RAB11FIP4: variants seen among roughly 807,000 people sequenced by gnomAD.
RAB11FIP4 encodes the protein rab11 family-interacting protein 4.
In RAB11FIP4, 23 loss-of-function variants were observed where a neutral mutation model predicts 74.3. That is an observed-to-expected ratio of 0.31 (90% confidence interval 0.22 to 0.44). The LOEUF is 0.44. RAB11FIP4 is among the 20% of genes least tolerant of loss of function. The probability of loss-of-function intolerance (pLI) is 1.00; values close to 1 mark genes in which losing one functional copy is unlikely to be tolerated. For missense variants in RAB11FIP4, 630 were observed against 863.9 expected (o/e 0.73, Z 3.39); for synonymous variants, 360 against 359.9 (o/e 1.00, Z 0.00).
intron 3 of RAB11FIP4, among the ~76,000 whole-genome samples, chr17:31,447,055 C>A (rs896510996): frequency 6.6e-6 from 1 of 152,088 alleles, no homozygotes; most frequent in Non-Finnish European, 1.5e-5. Context: ...GAGGCCAAGG[C>A]GGGCGGATCA....
intron 3 of RAB11FIP4, among the ~76,000 whole-genome samples, chr17:31,494,045 C>T (rs1345857092): frequency 6.6e-6 from 1 of 152,106 alleles, no homozygotes; most frequent in African/African-American, 2.4e-5. Flanking sequence ...ATAGCACCTG[C>T]CTCGCAGGGT....
At chr17:31,494,484 C>T (rs75597204) in intron 3 of RAB11FIP4, among the ~76,000 whole-genome samples, 2 of 152,114 alleles carry the variant, frequency 1.3e-5, no homozygotes, top group South Asian at 2.1e-4. Context: ...TAATAACCTT[C>T]GCACCTAACA....
chr17:31,511,404 A>G (rs780881917), intron 3 of RAB11FIP4, among the ~76,000 whole-genome samples: 2 of 152,246 alleles, frequency 1.3e-5, no homozygotes, highest in Non-Finnish European at 2.9e-5. Context: ...AGCATCAGAC[A>G]GTCAGGCAGT....
chr17:31,410,472 G>A (rs1285358989), intron 1 of RAB11FIP4, among the ~76,000 whole-genome samples: 2 of 152,162 alleles, frequency 1.3e-5, no homozygotes, highest in African/African-American at 4.8e-5. Context: ...CCAGCACTTT[G>A]GGAGGCTGAG....
At chr17:31,498,772 A>G (rs560331986) in intron 3 of RAB11FIP4, among the ~76,000 whole-genome samples, 1 of 152,254 alleles carries the variant, frequency 6.6e-6, no homozygotes, top group South Asian at 2.1e-4. Flanking sequence ...TCCCCTGAAA[A>G]TGTAGCCTGA....
In RAB11FIP4 at chr17:31,431,425, G is replaced by A. The variant is rs185017796; in HGVS notation, c.160-388G>A. On this transcript the variant is annotated intron_variant, in intron 1 of 14. Coordinates refer to ENST00000621161, the MANE Select transcript of RAB11FIP4 (RefSeq NM_032932.6). ...TAGCCAGCACCTGGAACAAGAAATA[G>A]AACAAGAGAAATGGTGGGATTTCTG... The A allele has an allele frequency of 3.5e-3, 676 of 195,880 alleles. 2 individuals carry two copies. The highest frequency in any genetic ancestry group is 0.015 in the African/African-American group (639 of 42,070). 12.1% of individuals were successfully genotyped at this position (195,880 alleles called of 1,614,324 possible).
intron 3 of RAB11FIP4, among the ~76,000 whole-genome samples, chr17:31,487,691 T>C (rs2071921717): frequency 1.3e-5 from 2 of 151,758 alleles, no homozygotes; most frequent in Admixed American, 6.5e-5. Flanking sequence ...AATCTCACAG[T>C]GCGGTGACAA....
In RAB11FIP4 at chr17:31,522,171, G is replaced by A. The variant is rs534297506; in HGVS notation, c.893+122G>A. 79 of 1,396,946 alleles carry A rather than the reference G, an allele frequency of 5.7e-5. 2 individuals are homozygous for A. In the African/African-American group the frequency reaches 8.1e-4, roughly 14 times the overall value. The allele number at this position is 1,396,946 out of a possible 1,614,324, so 86.5% of individuals were successfully genotyped here. On this transcript the variant is annotated intron_variant, in intron 6 of 14. Transcript: ENST00000621161. Reference sequence around the variant, plus strand: ...TGGGCAGGTGAGAGCTCTCAGAGGAGGGTTGATCCAGGGGCTTTTTCTGCC... The same window carrying A: ...TGGGCAGGTGAGAGCTCTCAGAGGAAGGTTGATCCAGGGGCTTTTTCTGCC...
At chr17:31,458,663 C>T (rs1020462590) in intron 3 of RAB11FIP4, among the ~76,000 whole-genome samples, 2 of 152,170 alleles carry the variant, frequency 1.3e-5, no homozygotes, top group Admixed American at 1.3e-4. Context: ...TCAAAATGCT[C>T]ATGTGCACCT....
intron 3 of RAB11FIP4, among the ~76,000 whole-genome samples, chr17:31,503,242 A>T (rs2072255191): frequency 6.7e-6 from 1 of 149,690 alleles, no homozygotes; most frequent in Admixed American, 6.6e-5. Flanking sequence ...CATGTTGGCC[A>T]GGCTAGTCTC....
At chr17:31,525,657 G>A (rs1222867417) in intron 10 of RAB11FIP4, 6 of 184,930 alleles carry the variant, frequency 3.2e-5, no homozygotes, top group Admixed American at 2.1e-4. Context: ...TGACGCAGGC[G>A]GGACAAGGAG....
rs1000689157 is a variant in RAB11FIP4 at position 31,533,136 on chromosome 17, G to C, written c.*1404G>C. 2.0e-5 allele frequency: 3 copies of C among 152,238 alleles called. No homozygotes were observed. The highest frequency in any genetic ancestry group is 4.8e-5 in the African/African-American group (2 of 41,426). The allele number at this position is 152,238 out of a possible 1,614,324, so 9.4% of individuals were successfully genotyped here. A position where few individuals can be genotyped will look rare whatever the true frequency, so the allele number is the denominator to read the frequency against. ...GGGCATGTTGGGAAGGGCGGTGGAG[G>C]GGGAGTTGCAGAAAGAGAGGGCAGT... is the stretch of plus-strand genomic sequence containing the variant. On this transcript the variant is annotated 3_prime_UTR_variant, in exon 15 of 15. Transcript: ENST00000621161.
Position 31,537,991 on chromosome 17 carries a change from G to C in RAB11FIP4, c.*6259G>C, listed in dbSNP as rs1389297452. 6.6e-6 allele frequency: 1 copy of C among 152,506 alleles called. No individual in the cohort carries two copies. Among genetic ancestry groups the C allele is most frequent in the Non-Finnish European group, 1.5e-5 (1 of 68,230 alleles). 9.4% of individuals were successfully genotyped at this position (152,506 alleles called of 1,614,324 possible). ...TCAACTTGACTTTTTTGCCCCAGGA[G>C]GCTCTGTCTGGAAACAGGCTTAGCT... On this transcript the variant is annotated 3_prime_UTR_variant, in exon 15 of 15. Transcript: ENST00000621161.
At chr17:31,411,525 G>T (rs2071095709) in intron 1 of RAB11FIP4, among the ~76,000 whole-genome samples, 1 of 152,194 alleles carries the variant, frequency 6.6e-6, no homozygotes, top group Non-Finnish European at 1.5e-5. Context: ...TAAACCAGGG[G>T]AAGGGTGTGT....
In RAB11FIP4 at chr17:31,463,803, C is replaced by CTTTTTTTTTTTTTTTTTTTT. The variant is rs60955293; in HGVS notation, c.336+29690_336+29709dup. On this transcript the variant is annotated intron_variant, in intron 3 of 14. Coordinates refer to ENST00000621161, the MANE Select transcript of RAB11FIP4 (RefSeq NM_032932.6). The stretch of plus-strand genomic sequence containing the variant: ...ACAGGTGTGAGCCACTGCGCCTGGA[C>CTTTTTTTTTTTTTTTTTTTT]TTTTTTTTTTTTTTTTTTTTTTTTT... 6.1e-5 allele frequency among the ~76,000 whole-genome samples: 2 copies of CTTTTTTTTTTTTTTTTTTTT among 32,822 alleles called. 1 individual carries two copies. Among genetic ancestry groups the CTTTTTTTTTTTTTTTTTTTT allele is most frequent in the African/African-American group, 2.2e-4 (2 of 9,196 alleles). 21.5% of individuals were successfully genotyped at this position (32,822 alleles called of 152,430 possible). A position where few individuals can be genotyped will look rare whatever the true frequency, so the allele number is the denominator to read the frequency against.
chr17:31,527,862 A>C lies in RAB11FIP4; in HGVS notation c.1295A>C (p.Glu432Ala), dbSNP rs1257508284. Residue 432 changes from glutamate to alanine, a missense_variant, in exon 11 of 15, where the codon GAA (glutamate) becomes GCA (alanine). By Grantham distance (107) the Glu-to-Ala change is moderately radical. Coordinates refer to ENST00000621161, the MANE Select transcript of RAB11FIP4 (RefSeq NM_032932.6). ...GCCAGGGTGCAGCAGTTGGAGGAAG[A>C]AAATACAGAGCTTAGAACAACAGTG... ...LNARVQQLEE[E>A]NTELRTTVTR... 1 of 1,607,186 alleles carries C rather than the reference A, an allele frequency of 6.2e-7. No homozygotes were observed. The highest frequency in any genetic ancestry group is 1.1e-5 in the South Asian group (1 of 89,100).
chr17:31,516,578 T>G (rs1300110960), intron 3 of RAB11FIP4, among the ~76,000 whole-genome samples: 2 of 152,258 alleles, frequency 1.3e-5, no homozygotes. Flanking sequence ...CACGCCATTC[T>G]CCTGCCTCAG....
intron 3 of RAB11FIP4, among the ~76,000 whole-genome samples, chr17:31,451,437 C>A (rs1446097878): frequency 4.0e-5 from 5 of 126,384 alleles, no homozygotes; most frequent in African/African-American, 1.5e-4. Flanking sequence ...CCAGCCTGGG[C>A]AACAGAGCGA....
intron 3 of RAB11FIP4, among the ~76,000 whole-genome samples, chr17:31,450,666 G>A (rs2071517994): frequency 1.3e-5 from 2 of 151,910 alleles, no homozygotes; most frequent in Non-Finnish European, 2.9e-5. Flanking sequence ...TCACCCCTAT[G>A]CTTCCTGCCT....
Sources: allele counts gnomAD v4.1 joint callset (sites outside exome capture counted in the v4.1 genomes callset), GRCh38; gene constraint gnomAD v4.1.1; transcripts MANE v1.5; gene names NCBI Gene and HGNC (gene_info 2026-07-23, HGNC 2026-07-21).